FAM178B: variants seen among roughly 807,000 people sequenced by gnomAD.
The protein encoded by FAM178B is family with sequence similarity 178 member B.
FAM178B carries 82 observed loss-of-function variants against 91.7 expected under a neutral mutation model. The ratio of observed to expected loss-of-function variants is 0.89; its 90% CI spans 0.75 to 1.07. The LOEUF (loss-of-function observed/expected upper bound fraction) is 1.07, where lower values mean the gene tolerates loss of function less well. FAM178B is among the 50% of genes least tolerant of loss of function. The pLI is 0.00. For missense variants in FAM178B, 769 were observed against 846.7 expected, an observed-to-expected ratio of 0.91 and a Z score of 1.14; for synonymous variants, 368 against 359.4, an observed-to-expected ratio of 1.02 and a Z score of -0.27.
At chr2:96,915,741 G>T (rs940898724) in intron 12 of FAM178B, among the ~76,000 whole-genome samples, 8 of 151,704 alleles carry the variant, frequency 5.3e-5, no homozygotes, top group African/African-American at 1.9e-4. Context: ...GCTTAAACAC[G>T]GGAGGCGGAG....
intron 14 of FAM178B, among the ~76,000 whole-genome samples, chr2:96,880,529 CTTTTTT>C (rs1214469808): frequency 2.0e-5 from 3 of 152,128 alleles, no homozygotes; most frequent in Non-Finnish European, 4.4e-5. Flanking sequence ...TTCCTTTTTC[CTTTTTT>C]AAGATTATTT....
At chr2:96,905,887 T>G (rs2081045450) in intron 12 of FAM178B, among the ~76,000 whole-genome samples, 1 of 87,792 alleles carries the variant, frequency 1.1e-5, no homozygotes. Flanking sequence ...TTTTTTTTTT[T>G]TGAGATGGAG....
At chr2:96,920,119 G>A (rs1001363473) in intron 12 of FAM178B, among the ~76,000 whole-genome samples, 1 of 152,158 alleles carries the variant, frequency 6.6e-6, no homozygotes, top group African/African-American at 2.4e-5. Flanking sequence ...CCCAGAAAGA[G>A]AAGGGAAGAG....
intron 9 of FAM178B, 62 bp downstream of exon 9, chr2:96,929,144 G>T (rs545253787): frequency 3.4e-6 from 4 of 1,172,332 alleles, no homozygotes; most frequent in Admixed American, 2.0e-5. Flanking sequence ...GAGTGACAGA[G>T]AGAGACCCTG....
intron 14 of FAM178B, among the ~76,000 whole-genome samples, chr2:96,881,787 G>C (rs1395711181): frequency 1.3e-5 from 2 of 152,120 alleles, no homozygotes; most frequent in African/African-American, 2.4e-5. Flanking sequence ...CGAGTGTTTG[G>C]GTGGATAGTG....
In FAM178B at chr2:96,971,756, G is replaced by A. The variant is rs1012606352; in HGVS notation, c.564+145C>T. ...TGCGCTTCCAGCCATGAGGGCCCAA[G>A]GGCTGAGCAGGGATGGTCAAGGTGA... On this transcript the variant is annotated intron_variant, in intron 3 of 16. Coordinates refer to ENST00000490605, the MANE Select transcript of FAM178B (RefSeq NM_001122646.3). 8 of 730,970 alleles carry A rather than the reference G, an allele frequency of 1.1e-5. No homozygotes were observed. In the African/African-American group the frequency reaches 1.5e-4, roughly 13 times the overall value. 45.3% of individuals were successfully genotyped at this position (730,970 alleles called of 1,614,324 possible). A position where few individuals can be genotyped will look rare whatever the true frequency, so the allele number is the denominator to read the frequency against.
intron 14 of FAM178B, among the ~76,000 whole-genome samples, chr2:96,886,640 C>T (rs541835885): frequency 1.6e-4 from 25 of 152,286 alleles, no homozygotes; most frequent in South Asian, 4.1e-4. Flanking sequence ...TTTGTGTTTC[C>T]GTCACTAAAA....
At chr2:96,960,190 G>A (rs2082059269) in intron 6 of FAM178B, 98 bp downstream of exon 6, 1 of 1,381,108 alleles carries the variant, frequency 7.2e-7, no homozygotes, top group Non-Finnish European at 9.7e-7. Flanking sequence ...TCACCTCTTC[G>A]AACTTCCCCC....
At chr2:96,964,257 T>C (rs1295909983) in intron 5 of FAM178B, among the ~76,000 whole-genome samples, 1 of 150,370 alleles carries the variant, frequency 6.7e-6, no homozygotes, top group African/African-American at 2.4e-5. Context: ...GTGTGACTCA[T>C]AACTATCTCT....
chr2:96,967,611 G>T lies in FAM178B; in HGVS notation c.643C>A (p.Gln215Lys), dbSNP rs200961829. The change falls in exon 5 of 17, where the codon CAG becomes AAG. Residue 215 changes from glutamine (Q) to lysine (K), a missense_variant. Transcript: ENST00000490605. ...TGCAGAAGCAGCCTCTCTCGCTCCT[G>T]CTCCAGGGCCTGTTCCCTATAGGAA... ...LQEKREQALE[Q>K]ERERLLLQEC... 6.5e-7 allele frequency: 1 copy of T among 1,549,410 alleles called. No homozygotes were observed. The highest frequency in any genetic ancestry group is 8.7e-7 in the Non-Finnish European group (1 of 1,146,542).
At chr2:96,916,953 C>T (rs1158168688) in intron 12 of FAM178B, among the ~76,000 whole-genome samples, 4 of 152,110 alleles carry the variant, frequency 2.6e-5, no homozygotes, top group African/African-American at 7.2e-5. Context: ...GCTCTGTGGC[C>T]GCCGCGGGAA....
At chr2:96,961,663 CA>C (rs1384347794) in intron 5 of FAM178B, among the ~76,000 whole-genome samples, 2 of 152,178 alleles carry the variant, frequency 1.3e-5, no homozygotes, top group Middle Eastern at 3.2e-3. Flanking sequence ...ACAGCAAACC[CA>C]GGGGCAGAAC....
chr2:96,932,024 T>A (rs1462930206), intron 8 of FAM178B, among the ~76,000 whole-genome samples: 1 of 152,190 alleles, frequency 6.6e-6, no homozygotes, highest in Non-Finnish European at 1.5e-5. Flanking sequence ...TGTGCACGTA[T>A]GTGCATGCAC....
chr2:96,879,750 C>T (rs533360709), intron 14 of FAM178B, among the ~76,000 whole-genome samples: 2 of 152,346 alleles, frequency 1.3e-5, no homozygotes, highest in Admixed American at 6.5e-5. Flanking sequence ...GAAACCGAGG[C>T]GTGCCTCCAG....
chr2:96,900,932 T>C (rs968139243), intron 13 of FAM178B, among the ~76,000 whole-genome samples: 17 of 152,136 alleles, frequency 1.1e-4, no homozygotes, highest in Non-Finnish European at 1.5e-5. Context: ...GCACAGCCTC[T>C]AGCCAGAGCA....
intron 4 of FAM178B, among the ~76,000 whole-genome samples, chr2:96,969,785 G>A (rs1404407170): frequency 6.6e-6 from 1 of 152,236 alleles, no homozygotes; most frequent in East Asian, 1.9e-4. Flanking sequence ...GGGCTGCACA[G>A]CAGAGGCAGA....
chr2:96,935,376 G>C (rs577315864), intron 8 of FAM178B, among the ~76,000 whole-genome samples: 1 of 152,230 alleles, frequency 6.6e-6, no homozygotes, highest in South Asian at 2.1e-4. Flanking sequence ...TCACGGTCCA[G>C]CACGGCTGGT....
intron 14 of FAM178B, among the ~76,000 whole-genome samples, chr2:96,892,826 T>C (rs980096062): frequency 6.6e-6 from 1 of 152,008 alleles, no homozygotes; most frequent in Non-Finnish European, 1.5e-5. Flanking sequence ...GACCCCCACC[T>C]CCTCTCTAGA....
In FAM178B at chr2:96,951,476, G is replaced by A; in HGVS notation, c.896C>T (p.Pro299Leu). Residue 299 changes from proline to leucine, a missense_variant, in exon 7 of 17, where the codon CCA (proline) becomes CTA (leucine). Transcript: ENST00000490605. ...HLEGLFLSSPPAQQLSFLRSG... is the reference protein window; with the variant it reads ...HLEGLFLSSPLAQQLSFLRSG... ...GCGCAGGAAGGAGAGCTGTTGGGCT[G>A]GCGGGGAGCTGGGAGGCAGAGGGCT... 6.4e-7 allele frequency: 1 copy of A among 1,551,510 alleles called. No homozygotes were observed. The highest frequency in any genetic ancestry group is 8.7e-7 in the Non-Finnish European group (1 of 1,146,834).
Sources: allele counts gnomAD v4.1 joint callset (sites outside exome capture counted in the v4.1 genomes callset), GRCh38; gene constraint gnomAD v4.1.1; transcripts MANE v1.5; gene names NCBI Gene and HGNC (gene_info 2026-07-23, HGNC 2026-07-21).